Variants in SIGLEC15 observed in about 807,000 individuals in gnomAD.
SIGLEC15 encodes sialic acid binding Ig like lectin 15.
SIGLEC15 carries 31 observed loss-of-function variants against 26.2 expected under a neutral mutation model. The ratio of observed to expected loss-of-function variants is 1.18; its 90% confidence interval spans 0.89 to 1.60. The LOEUF is 1.60. SIGLEC15 is among the 40% of genes most tolerant of loss of function. The probability of loss-of-function intolerance (pLI) is 0.00; values close to 1 mark genes in which losing one functional copy is unlikely to be tolerated. For missense variants in SIGLEC15, 501 were observed against 488.4 expected (o/e 1.03, Z -0.24); for synonymous variants, 207 against 221.9 (o/e 0.93, Z 0.60).
rs775588845 is a variant in SIGLEC15, at chr18:45,837,022, T to C, written c.53-7T>C. ...TGTAACCCGGGGTTAACTGTGTTTATCTGTAGGCTCATTTGTGAGAACTAA... is the reference window on the plus strand; with the variant it reads ...TGTAACCCGGGGTTAACTGTGTTTACCTGTAGGCTCATTTGTGAGAACTAA... On this transcript the variant is annotated splice_polypyrimidine_tract_variant and splice_region_variant and intron_variant, in intron 1 of 5. Coordinates refer to ENST00000389474, the MANE Select transcript of SIGLEC15 (RefSeq NM_213602.3). 3 of 1,354,954 alleles carry C rather than the reference T, an allele frequency of 2.2e-6. No homozygotes were observed. Among genetic ancestry groups the C allele is most frequent in the Non-Finnish European group, 3.2e-6 (3 of 944,270 alleles). 83.9% of individuals were successfully genotyped at this position (1,354,954 alleles called of 1,614,324 possible).
At chr18:45,830,524 G>A (rs894049) in intron 1 of SIGLEC15, among the ~76,000 whole-genome samples, 125,455 of 151,448 alleles carry the variant, frequency 0.83, 52,683 homozygotes, top group East Asian at 0.98. Flanking sequence ...GCTACTTTCA[G>A]GTCAGTTTTC....
At chr18:45,831,807 G>A (rs970099974) in intron 1 of SIGLEC15, among the ~76,000 whole-genome samples, 7 of 150,418 alleles carry the variant, frequency 4.7e-5, no homozygotes, top group Admixed American at 2.0e-4. Context: ...GGGCAATCTC[G>A]GCTCACTGCA....
chr18:45,826,612 C>G (rs1469820425), intron 1 of SIGLEC15, among the ~76,000 whole-genome samples: 1 of 152,164 alleles, frequency 6.6e-6, no homozygotes, highest in Non-Finnish European at 1.5e-5. Flanking sequence ...TTACCCCATC[C>G]CCATCCTAGG....
chr18:45,830,370 T>C (rs1311199618), intron 1 of SIGLEC15, among the ~76,000 whole-genome samples: 3 of 152,168 alleles, frequency 2.0e-5, no homozygotes, highest in Non-Finnish European at 4.4e-5. Context: ...AACTGCTCCC[T>C]AGTGGGATCA....
At position 45,825,754 on chromosome 18, in the gene SIGLEC15, C is replaced by T. The variant is rs2048179883; in HGVS notation, c.26C>T (p.Ala9Val). 1 of 1,614,238 alleles carries T rather than the reference C, an allele frequency of 6.2e-7. No homozygotes were observed. The change falls in exon 1 of 6, where the codon GCC becomes GTC. Residue 9 changes from alanine to valine, a missense_variant. Coordinates refer to ENST00000389474, the MANE Select transcript of SIGLEC15 (RefSeq NM_213602.3). The stretch of plus-strand genomic sequence containing the variant: ...ATGGAAAAGTCCATCTGGCTGCTGG[C>T]CTGCTTGGCGTGGGTTCTCCCGACA... MEKSIWLL[A>V]CLAWVLPTGS...
In SIGLEC15 at chr18:45,842,470, T is replaced by C; in HGVS notation, c.*283T>C. ...GAGAGAGAGAGAGAGAGTACACGCA[T>C]TAGCTTGAGCGTGAAACTTCCAGAA... On this transcript the variant is annotated 3_prime_UTR_variant, in exon 6 of 6. Coordinates refer to ENST00000389474, the MANE Select transcript of SIGLEC15 (RefSeq NM_213602.3). 2.6e-6 allele frequency: 1 copy of C among 383,450 alleles called. No individual in the cohort carries two copies. Among genetic ancestry groups the C allele is most frequent in the Non-Finnish European group, 4.7e-6 (1 of 211,222 alleles). The allele number at this position is 383,450 out of a possible 1,614,324, so 23.8% of individuals were successfully genotyped here.
At chr18:45,836,482 G>A (rs776284349) in intron 1 of SIGLEC15, among the ~76,000 whole-genome samples, 4 of 151,974 alleles carry the variant, frequency 2.6e-5, no homozygotes, top group African/African-American at 4.8e-5. Flanking sequence ...CCTCTGAGGC[G>A]CGCTCCCCTC....
Position 45,825,696 on chromosome 18 carries a change from G to C in SIGLEC15, c.-33G>C, listed in dbSNP as rs200364769. 2 of 1,609,040 alleles carry C rather than the reference G, an allele frequency of 1.2e-6. No individual in the cohort carries two copies. Among genetic ancestry groups the C allele is most frequent in the African/African-American group, 1.3e-5 (1 of 74,844 alleles). On this transcript the variant is annotated 5_prime_UTR_variant, in exon 1 of 6. Coordinates refer to ENST00000389474, the MANE Select transcript of SIGLEC15 (RefSeq NM_213602.3). Reference sequence around the variant, plus strand: ...CCTCACTGGGGAGGTGGCCGAGAGCGGGTCTGGCCTGGGGTGTTCAGATGC... The same window carrying C: ...CCTCACTGGGGAGGTGGCCGAGAGCCGGTCTGGCCTGGGGTGTTCAGATGC...
intron 1 of SIGLEC15, among the ~76,000 whole-genome samples, chr18:45,829,493 G>C (rs1355217637): frequency 6.6e-6 from 1 of 152,202 alleles, no homozygotes; most frequent in Non-Finnish European, 1.5e-5. Flanking sequence ...GAAGGGCTGA[G>C]CTGCAATGAG....
In SIGLEC15 at chr18:45,842,699, C is replaced by T. The variant is rs914702225; in HGVS notation, c.*512C>T. 1 of 157,832 alleles carries T rather than the reference C, an allele frequency of 6.3e-6. No individual in the cohort carries two copies. The highest frequency in any genetic ancestry group is 1.4e-5 in the Non-Finnish European group (1 of 71,264). The allele number at this position is 157,832 out of a possible 1,614,324, so 9.8% of individuals were successfully genotyped here. A position where few individuals can be genotyped will look rare whatever the true frequency, so the allele number is the denominator to read the frequency against. On this transcript the variant is annotated 3_prime_UTR_variant, in exon 6 of 6. Transcript: ENST00000389474. ...TATTCTTCCCTCCTGGCTGGGAGGACTACAAAGATCTGAGGAAATAATGGA... is the reference window on the plus strand; with the variant it reads ...TATTCTTCCCTCCTGGCTGGGAGGATTACAAAGATCTGAGGAAATAATGGA...
chr18:45,840,851 C>T, intron 5 of SIGLEC15: 1 of 152,538 alleles, frequency 6.6e-6, no homozygotes, highest in Non-Finnish European at 1.5e-5. Context: ...CTGCTGGTGG[C>T]CCCACTCATC....
chr18:45,829,453 T>G (rs1423118166), intron 1 of SIGLEC15, among the ~76,000 whole-genome samples: 1 of 152,160 alleles, frequency 6.6e-6, no homozygotes, highest in Non-Finnish European at 1.5e-5. Flanking sequence ...AGAGAAAGAT[T>G]TGCAGGGAGC....
At chr18:45,832,693 C>T (rs1265535005) in intron 1 of SIGLEC15, among the ~76,000 whole-genome samples, 1 of 152,272 alleles carries the variant, frequency 6.6e-6, no homozygotes, top group East Asian at 1.9e-4. Flanking sequence ...AGATTAGAGA[C>T]CCTACAGTAA....
chr18:45,834,615 G>A (rs896145574), intron 1 of SIGLEC15, among the ~76,000 whole-genome samples: 1 of 152,236 alleles, frequency 6.6e-6, no homozygotes, highest in Non-Finnish European at 1.5e-5. Context: ...AGACTGTAGT[G>A]TAATTATGTG....
intron 1 of SIGLEC15, among the ~76,000 whole-genome samples, chr18:45,833,663 C>G (rs139152638): frequency 6.6e-6 from 1 of 152,120 alleles, no homozygotes; most frequent in Non-Finnish European, 1.5e-5. Context: ...TATATCCTGA[C>G]GTACAGATTT....
chr18:45,842,042 T>C (rs766346558), intron 5 of SIGLEC15, 64 bp from the exon 6 acceptor site: 21 of 1,464,092 alleles, frequency 1.4e-5, no homozygotes, highest in African/African-American at 8.3e-5. Flanking sequence ...TGCTGGCATA[T>C]AGTTTGGGCA....
In SIGLEC15 at chr18:45,837,623, G is replaced by A. The variant is rs1207996911; in HGVS notation, c.223G>A (p.Gly75Arg). 8.6e-6 allele frequency: 13 copies of A among 1,508,440 alleles called. No individual in the cohort carries two copies. Among genetic ancestry groups the A allele is most frequent in the Admixed American group, 4.1e-5 (2 of 48,360 alleles). The allele number at this position is 1,508,440 out of a possible 1,614,324, so 93.4% of individuals were successfully genotyped here. A position where few individuals can be genotyped will look rare whatever the true frequency, so the allele number is the denominator to read the frequency against. Residue 75 changes from glycine (G) to arginine (R), a missense_variant, in exon 3 of 6, where the codon GGG (glycine) becomes AGG (arginine). Transcript: ENST00000389474. ...CACGCACCCGCACCGCCACTACGAC[G>A]GGCCGCTGACGGCCATCTGGCGCGC... ...TFTHPHRHYD[G>R]PLTAIWRAGE...
chr18:45,837,876 G>A lies in SIGLEC15; in HGVS notation c.476G>A (p.Gly159Asp). Residue 159 changes from glycine (G) to aspartate (D), a missense_variant, in exon 3 of 6, where the codon GGC becomes GAC. Physicochemically the swap from Gly to Asp is moderately conservative, Grantham distance 94. Transcript: ENST00000389474. Reference protein sequence around the residue: ...DVHDRYESRHGVRLHVTAAPR... With the variant: ...DVHDRYESRHDVRLHVTAAPR... ...CATGACCGCTACGAGAGCCGCCACG[G>A]CGTCCGGCTGCACGTGACAGGCGAG... 1 of 1,529,502 alleles carries A rather than the reference G, an allele frequency of 6.5e-7. No homozygotes were observed. The highest frequency in any genetic ancestry group is 8.7e-7 in the Non-Finnish European group (1 of 1,149,296). 94.7% of individuals were successfully genotyped at this position (1,529,502 alleles called of 1,614,324 possible).
At chr18:45,837,280 G>A (rs2048283083) in intron 2 of SIGLEC15, among the ~76,000 whole-genome samples, 192 bp downstream of exon 2, 1 of 152,178 alleles carries the variant, frequency 6.6e-6, no homozygotes, top group Non-Finnish European at 1.5e-5. Flanking sequence ...CGGGAACGCA[G>A]GCACTCCCAA....
Sources: gnomAD v4.1 joint callset for allele counts (sites outside exome capture counted in the v4.1 genomes callset) on GRCh38, gnomAD v4.1.1 for gene constraint, MANE v1.5 for transcripts, NCBI Gene and HGNC (gene_info 2026-07-23, HGNC 2026-07-21) for gene names.